The following ADGRE2 variants were observed in gnomAD, a reference collection of about 807,000 sequenced individuals.
The protein encoded by ADGRE2 is CD97 antigen.
Under a neutral mutation model 100.8 loss-of-function variants are expected in ADGRE2, and 83 were observed. That is an observed-to-expected ratio of 0.82 (90% CI 0.69 to 0.99). The LOEUF is 0.99. ADGRE2 is among the 50% of genes least tolerant of loss of function. ADGRE2 has a pLI of 0.00. For synonymous variants in ADGRE2, 355 were observed against 413.0 expected (o/e 0.86, Z 1.70); for missense variants, 814 against 1,035.7 (o/e 0.79, Z 2.94).
chr19:14,770,243 T>C (rs2044148226), intron 5 of ADGRE2, among the ~76,000 whole-genome samples: 1 of 152,068 alleles, frequency 6.6e-6, no homozygotes, highest in Non-Finnish European at 1.5e-5. Context: ...TGAAAACTGC[T>C]TGTTGGAAAA....
At chr19:14,750,925 C>G (rs2147221252) in intron 16 of ADGRE2, among the ~76,000 whole-genome samples, 1 of 152,076 alleles carries the variant, frequency 6.6e-6, no homozygotes, top group South Asian at 2.1e-4. Context: ...GCGATCCTCC[C>G]ACCTCAGCCT....
chr19:14,778,014 A>G lies in ADGRE2; in HGVS notation c.-172+243T>C, dbSNP rs145371411. ...TAATCCTTTGGGTATATACCCAGCA[A>G]TGGGATCGCTGAGTCAAATGGTATT... On this transcript the variant is annotated intron_variant, in intron 1 of 20. Transcript: ENST00000315576. 1.8e-3 allele frequency among the ~76,000 whole-genome samples: 275 copies of G among 152,322 alleles called. 1 individual carries two copies. The highest frequency in any genetic ancestry group is 6.3e-3 in the African/African-American group (260 of 41,560).
At chr19:14,754,076 G>A (rs1027642550) in intron 14 of ADGRE2, among the ~76,000 whole-genome samples, 2 of 151,316 alleles carry the variant, frequency 1.3e-5, no homozygotes, top group East Asian at 1.9e-4. Context: ...AATATAAGCA[G>A]GCAGAAAAAT....
Position 14,751,731 on chromosome 19 carries a change from TCTC to T in ADGRE2, c.1789-63_1789-61del, listed in dbSNP as rs2043292310. On this transcript the variant is annotated intron_variant, in intron 15 of 20. Coordinates refer to ENST00000315576, the MANE Select transcript of ADGRE2 (RefSeq NM_013447.4). ...TCAGATTTGAGTGTGGCCCATGGCT[TCTC>T]CTGTACCATGTTGTTGGGGAGAATT... is the stretch of plus-strand genomic sequence containing the variant. The T allele has an allele frequency of 1.5e-5, 19 of 1,228,984 alleles. No homozygotes were observed. The South Asian group carries it at 2.3e-4, about 15-fold the overall frequency. 76.1% of individuals were successfully genotyped at this position (1,228,984 alleles called of 1,614,324 possible).
At chr19:14,731,308 G>T (rs2042669358), downstream of ADGRE2, 3 of 986,874 alleles carry the variant, frequency 3.0e-6, no homozygotes, top group Admixed American at 4.2e-5. Context: ...TCTGAAGCTT[G>T]CAGGTCAGTG....
At chr19:14,759,503 A>ATATTTTTT (rs60789454) in intron 11 of ADGRE2, among the ~76,000 whole-genome samples, 1 of 133,380 alleles carries the variant, frequency 7.5e-6, no homozygotes, top group African/African-American at 3.0e-5. Flanking sequence ...ATATATATAT[A>ATATTTTTT]TTTTTTTTTT....
chr19:14,764,634 T>A (rs2043882533), intron 10 of ADGRE2, 24 bp from the exon 11 acceptor site: 1 of 1,596,236 alleles, frequency 6.3e-7, no homozygotes, highest in African/African-American at 1.3e-5. Flanking sequence ...GACACAGACC[T>A]AGTGAGCCAT....
intron 11 of ADGRE2, among the ~76,000 whole-genome samples, chr19:14,757,611 T>A (rs964495279): frequency 6.6e-6 from 1 of 152,154 alleles, no homozygotes; most frequent in African/African-American, 2.4e-5. Flanking sequence ...GGGGAAAGAA[T>A]AATCTCTTCA....
chr19:14,771,139 C>T (rs1019826978), intron 5 of ADGRE2, among the ~76,000 whole-genome samples: 2 of 152,136 alleles, frequency 1.3e-5, no homozygotes, highest in Non-Finnish European at 2.9e-5. Context: ...GCTCTGTCCT[C>T]ACTTTCCTCC....
At chr19:14,755,171 C>G in intron 13 of ADGRE2, 44 bp from the exon 14 acceptor site, 1 of 1,587,654 alleles carries the variant, frequency 6.3e-7, no homozygotes, top group Non-Finnish European at 8.6e-7. Context: ...TGGTGGCTCA[C>G]GCCTGTAATC....
At chr19:14,767,244 T>G in intron 5 of ADGRE2, 135 bp from the exon 6 acceptor site, 3 of 554,874 alleles carry the variant, frequency 5.4e-6, no homozygotes, top group Non-Finnish European at 6.7e-6. Context: ...CTTTCTTTCT[T>G]TTTTTTTTTT....
rs2042697143 is a variant in ADGRE2 at position 14,733,461 on chromosome 19, A to G, written c.*2775T>C. The G allele has an allele frequency of 6.6e-6, 1 of 152,220 alleles. No homozygotes were observed. The highest frequency in any genetic ancestry group is 6.5e-5 in the Admixed American group (1 of 15,274). 9.4% of individuals were successfully genotyped at this position (152,220 alleles called of 1,614,324 possible). On this transcript the variant is annotated 3_prime_UTR_variant, in exon 21 of 21. Transcript: ENST00000315576. ...GGCCCCAGTAAAACAGTGGGCCTTAATAAGCACATTCCTTTCCCTCCAGGT... is the reference window on the plus strand; with the variant it reads ...GGCCCCAGTAAAACAGTGGGCCTTAGTAAGCACATTCCTTTCCCTCCAGGT...
intron 3 of ADGRE2, 82 bp from the exon 4 acceptor site, chr19:14,774,136 C>G: frequency 6.6e-7 from 1 of 1,512,658 alleles, no homozygotes; most frequent in South Asian, 1.1e-5. Context: ...TGGGGCAGAG[C>G]GCTGAGTTTC....
chr19:14,748,692 T>C (rs923438083), intron 16 of ADGRE2, among the ~76,000 whole-genome samples: 5 of 152,184 alleles, frequency 3.3e-5, no homozygotes, highest in Admixed American at 1.3e-4. Context: ...ACCTGGGTCA[T>C]ATGGTAGCTC....
intron 4 of ADGRE2, among the ~76,000 whole-genome samples, chr19:14,773,279 C>G (rs184380757): frequency 1.0e-4 from 15 of 150,192 alleles, no homozygotes; most frequent in African/African-American, 3.7e-4. Flanking sequence ...ATATTTTTTC[C>G]TTTTTCCTCC....
chr19:14,773,131 GA>G (rs113809489), intron 4 of ADGRE2, among the ~76,000 whole-genome samples: 1,538 of 130,008 alleles, frequency 0.012, 21 homozygotes, highest in African/African-American at 0.032. Context: ...AAATAAGGGA[GA>G]AAAAAAAACC....
rs774601322 is a variant in ADGRE2, at chr19:14,776,804, G to A, written c.-48C>T. 4 of 1,610,068 alleles carry A rather than the reference G, an allele frequency of 2.5e-6. No homozygotes were observed. Among genetic ancestry groups the A allele is most frequent in the Non-Finnish European group, 3.4e-6 (4 of 1,178,398 alleles). On this transcript the variant is annotated 5_prime_UTR_variant, in exon 2 of 21. Coordinates refer to ENST00000315576, the MANE Select transcript of ADGRE2 (RefSeq NM_013447.4). ...GGAGCAGCAGGGGAAAGAGTGAGTG[G>A]GACAGGGCTGTCCCGTCTCCGCAGG... is the stretch of plus-strand genomic sequence containing the variant.
At chr19:14,776,165 T>G (rs1203145590) in intron 2 of ADGRE2, among the ~76,000 whole-genome samples, 1 of 152,040 alleles carries the variant, frequency 6.6e-6, no homozygotes, top group Admixed American at 6.6e-5. Context: ...CCTAGGGATC[T>G]CCTTGTTGTT....
chr19:14,731,791 A>G (rs2042673672), downstream of ADGRE2: 1 of 152,202 alleles, frequency 6.6e-6, no homozygotes, highest in African/African-American at 2.4e-5. Flanking sequence ...TTTCTTACTT[A>G]ATATTCAAAC....
Sources: gnomAD v4.1 joint callset for allele counts (sites outside exome capture counted in the v4.1 genomes callset) on GRCh38, gnomAD v4.1.1 for gene constraint, MANE v1.5 for transcripts, NCBI Gene and HGNC (gene_info 2026-07-23, HGNC 2026-07-21) for gene names.